The following PZP variants were observed in gnomAD, a reference collection of about 807,000 sequenced individuals.
PZP encodes pregnancy zone protein.
Under a neutral mutation model 179.8 loss-of-function variants are expected in PZP, and 150 were observed. That is an observed-to-expected ratio of 0.83 (90% CI 0.73 to 0.96). PZP has a LOEUF of 0.96. Among genes scored for constraint, PZP ranks in the 40% least tolerant of loss-of-function variants. The pLI, the probability that PZP is intolerant of heterozygous loss-of-function variation, is 0.00. For missense variants in PZP, 1,689 were observed against 1,764.0 expected (o/e 0.96, Z 0.76); for synonymous variants, 624 against 652.3 (o/e 0.96, Z 0.66).
At chr12:9,196,805 C>T in intron 8 of PZP, 120 bp from the exon 9 acceptor site, 4 of 855,538 alleles carry the variant, frequency 4.7e-6, no homozygotes, top group Non-Finnish European at 5.7e-6. Context: ...GTTAATTGAC[C>T]TTCGAGAACT....
chr12:9,141,499 G>A, the PZP span, among the ~76,000 whole-genome samples: 1 of 152,104 alleles, frequency 6.6e-6, no homozygotes, highest in Non-Finnish European at 1.5e-5. Flanking sequence ...AACCCACTGT[G>A]CTTTTATTTT....
chr12:9,178,276 A>G (rs1465050290), intron 15 of PZP, among the ~76,000 whole-genome samples: 3 of 152,186 alleles, frequency 2.0e-5, no homozygotes, highest in African/African-American at 7.2e-5. Context: ...TTCCTGCTTC[A>G]TCTTGCTCGG....
At position 9,163,848 on chromosome 12, in the gene PZP, G is replaced by A. The variant is rs915078497; in HGVS notation, c.2615-59C>T. On this transcript the variant is annotated intron_variant, in intron 20 of 35. Coordinates refer to ENST00000261336, the MANE Select transcript of PZP (RefSeq NM_002864.3). ...ACTTTGATAGTCCAATCACCTTTAA[G>A]GGCTGCACCTTAAACTTATAGTTGT... The A allele has an allele frequency of 3.9e-6, 6 of 1,546,990 alleles. No homozygotes were observed. In the Admixed American group the frequency reaches 6.2e-5, roughly 16 times the overall value.
intron 15 of PZP, among the ~76,000 whole-genome samples, chr12:9,174,697 A>C (rs1171598109): frequency 6.6e-6 from 1 of 152,188 alleles, no homozygotes; most frequent in Non-Finnish European, 1.5e-5. Flanking sequence ...ATCATGAATG[A>C]ACTCCCATTC....
In PZP at chr12:9,182,069, G is replaced by C. The variant is rs778679444; in HGVS notation, c.1595C>G (p.Pro532Arg). Residue 532 changes from proline (P) to arginine (R), a missense_variant, in exon 14 of 36, where the codon CCC becomes CGC. This residue lies in a region of PZP where 742 missense variants were observed against 730.5 expected (regional missense o/e 1.02). Coordinates refer to ENST00000261336, the MANE Select transcript of PZP (RefSeq NM_002864.3). ...GGCAAAGATGAACATTCGTGCAATG[G>C]GGGCAACGTCTGACTCCACAGGGAA... Reference protein sequence around the residue: ...LSFPVESDVAPIARMFIFAIL... With the variant: ...LSFPVESDVARIARMFIFAIL... 1 of 1,613,552 alleles carries C rather than the reference G, an allele frequency of 6.2e-7. No individual in the cohort carries two copies. The highest frequency in any genetic ancestry group is 1.3e-5 in the African/African-American group (1 of 74,908).
intron 11 of PZP, among the ~76,000 whole-genome samples, chr12:9,193,369 A>G (rs920449205): frequency 6.6e-6 from 1 of 152,186 alleles, no homozygotes; most frequent in Non-Finnish European, 1.5e-5. Context: ...TGGTCTCATA[A>G]TAAAGTTCCT....
rs527929571 is a variant in PZP, at chr12:9,201,518, G to A, written c.481-171C>T. 4.6e-5 allele frequency among the ~76,000 whole-genome samples: 7 copies of A among 152,214 alleles called. No individual in the cohort carries two copies. The East Asian group carries it at 1.2e-3, about 25-fold the overall frequency. On this transcript the variant is annotated intron_variant, in intron 4 of 35. Transcript: ENST00000261336. ...GGAAATTATTAAATAGTTCTAGGAT[G>A]AGCATACACAATATATTCAATAATT... is the stretch of plus-strand genomic sequence containing the variant.
intron 25 of PZP, 55 bp from the exon 26 acceptor site, chr12:9,158,631 T>C: frequency 6.3e-7 from 1 of 1,575,396 alleles, no homozygotes; most frequent in Non-Finnish European, 8.7e-7. Flanking sequence ...ACTTTACTGC[T>C]CTGTTTTGTA....
chr12:9,179,580 C>T (rs1942623793), intron 15 of PZP, among the ~76,000 whole-genome samples: 2 of 152,152 alleles, frequency 1.3e-5, no homozygotes, highest in South Asian at 4.1e-4. Flanking sequence ...TTACCACTTT[C>T]ACAGATCCCA....
chr12:9,190,630 C>T (rs768401955), intron 13 of PZP, among the ~76,000 whole-genome samples: 1 of 152,052 alleles, frequency 6.6e-6, no homozygotes, highest in Non-Finnish European at 1.5e-5. Flanking sequence ...ATAATCTGTA[C>T]AACAAACCCC....
chr12:9,160,126 C>A, intron 24 of PZP, 101 bp from the exon 25 acceptor site: 1 of 1,213,034 alleles, frequency 8.2e-7, no homozygotes, highest in Non-Finnish European at 1.2e-6. Context: ...ATTTTATGAC[C>A]TTCTGTGATC....
At chr12:9,149,677 C>T (rs1319468817) in intron 34 of PZP, 75 bp from the exon 35 acceptor site, 2 of 1,463,846 alleles carry the variant, frequency 1.4e-6, no homozygotes, top group Non-Finnish European at 1.9e-6. Flanking sequence ...TGTCTAGTCA[C>T]TTTACTACTG....
rs148059243 is a variant in PZP at position 9,157,285 on chromosome 12, C to T, written c.3440G>A (p.Gly1147Glu). 451 of 1,613,956 alleles carry T rather than the reference C, an allele frequency of 2.8e-4. No individual in the cohort carries two copies. The African/African-American group carries it at 5.4e-3, about 19-fold the overall frequency. Residue 1147 changes from glycine to glutamate, a missense_variant, in exon 28 of 36, where the codon GGG becomes GAG. Gly to Glu is a moderately conservative substitution (Grantham distance 98). This residue lies in a region of PZP where 746 missense variants were observed against 749.2 expected (regional missense o/e 1.00). Transcript: ENST00000261336. ...AWNVAKEGTH[G>E]SHVYTKALLA... ...CAATGCCTTGGTGTAGACATGGCTC[C>T]CATGGGTCCCCTCCTTTGCTACATT...
chr12:9,140,208 A>G, the PZP span, among the ~76,000 whole-genome samples: 1 of 152,188 alleles, frequency 6.6e-6, no homozygotes, highest in African/African-American at 2.4e-5. Context: ...TCAGTTAAAA[A>G]TCTCTGGAAA....
intron 17 of PZP, among the ~76,000 whole-genome samples, chr12:9,166,559 C>T (rs1053224803): frequency 2.6e-5 from 4 of 152,112 alleles, no homozygotes; most frequent in Admixed American, 6.5e-5. Flanking sequence ...TTGTAAAATG[C>T]TCTTTAGACA....
downstream of PZP, among the ~76,000 whole-genome samples, chr12:9,146,250 TC>T (rs1165378661): frequency 6.6e-6 from 1 of 151,994 alleles, no homozygotes; most frequent in Non-Finnish European, 1.5e-5. Context: ...CTGAACTACT[TC>T]CAATGACTGG....
the PZP span, among the ~76,000 whole-genome samples, chr12:9,143,329 C>A: frequency 6.6e-6 from 1 of 152,074 alleles, no homozygotes; most frequent in African/African-American, 2.4e-5. Context: ...GGTGGTTTGA[C>A]TGGTTGAAGC....
intron 10 of PZP, among the ~76,000 whole-genome samples, chr12:9,195,611 A>ATTTTTTTTT (rs11398106): frequency 1.9e-5 from 2 of 104,248 alleles, no homozygotes; most frequent in Admixed American, 1.2e-4. Context: ...CCCACTGCTA[A>ATTTTTTTTT]TTTTTTTTTT....
rs892496380 is a variant in PZP at position 9,185,814 on chromosome 12, C to CTTTTCTTTTCTTTTCT, written c.1547-3698_1547-3697insAGAAAAGAAAAGAAAA. Among the ~76,000 whole-genome samples the CTTTTCTTTTCTTTTCT allele has an allele frequency of 1.4e-4, 21 of 147,304 alleles. 2 individuals carry two copies. The highest frequency in any genetic ancestry group is 5.0e-4 in the African/African-American group (20 of 40,134). On this transcript the variant is annotated intron_variant, in intron 13 of 35. Transcript: ENST00000261336. ...CATTTCTTTTCTTTTCTTTTCTTTT[C>CTTTTCTTTTCTTTTCT]TTTTTTTTTTTCTTGACAGAGTCTC...
Sources: allele counts gnomAD v4.1 joint callset (sites outside exome capture counted in the v4.1 genomes callset), GRCh38; gene constraint gnomAD v4.1.1; regional missense constraint gnomAD v4.1.1; transcripts MANE v1.5; gene names NCBI Gene and HGNC (gene_info 2026-07-23, HGNC 2026-07-21).